Variants in ABCA8 observed in about 807,000 individuals in gnomAD.
ABCA8 encodes the protein ABC-type organic anion transporter ABCA8.
In ABCA8, 177 loss-of-function variants were observed where a neutral mutation model predicts 192.3. The ratio of observed to expected loss-of-function variants is 0.92; its 90% CI spans 0.81 to 1.04. ABCA8 has a LOEUF of 1.04. Among genes scored for constraint, ABCA8 ranks in the 50% least tolerant of loss-of-function variants. The pLI is 0.00. For missense variants in ABCA8, 1,915 were observed against 1,904.8 expected (o/e 1.01, Z -0.10); for synonymous variants, 642 against 690.2 (o/e 0.93, Z 1.09).
At chr17:68,881,332 C>G in intron 31 of ABCA8, 121 bp from the exon 32 acceptor site, 2 of 710,054 alleles carry the variant, frequency 2.8e-6, no homozygotes, top group Non-Finnish European at 4.7e-6. Flanking sequence ...TTGTCACAAC[C>G]ACCCTGAGAA....
intron 5 of ABCA8, 126 bp from the exon 6 acceptor site, chr17:68,933,397 T>C (rs1364051886): frequency 3.6e-5 from 22 of 608,688 alleles, no homozygotes; most frequent in Non-Finnish European, 6.0e-5. Flanking sequence ...GTTCTTATTT[T>C]GACTCAAAGC....
At chr17:68,902,204 T>A (rs932819637) in intron 21 of ABCA8, among the ~76,000 whole-genome samples, 1 of 152,218 alleles carries the variant, frequency 6.6e-6, no homozygotes, top group African/African-American at 2.4e-5. Context: ...TACCACATGT[T>A]GTATGAGTCC....
intron 37 of ABCA8, among the ~76,000 whole-genome samples, chr17:68,872,178 A>T (rs1410402897): frequency 1.7e-4 from 26 of 151,846 alleles, no homozygotes; most frequent in Non-Finnish European, 1.5e-5. Flanking sequence ...CTTGGAACCA[A>T]CCCAAATGTC....
intron 2 of ABCA8, among the ~76,000 whole-genome samples, chr17:68,946,309 G>T (rs2068406383): frequency 6.6e-6 from 1 of 152,010 alleles, no homozygotes; most frequent in Non-Finnish European, 1.5e-5. Flanking sequence ...CTCATGATCT[G>T]CCCACGTTGG....
chr17:68,892,912 A>G (rs894909823), intron 23 of ABCA8, among the ~76,000 whole-genome samples: 4 of 152,176 alleles, frequency 2.6e-5, no homozygotes, highest in Non-Finnish European at 5.9e-5. Context: ...TGGGAGGCCA[A>G]CATCGGAAGA....
At chr17:68,906,409 T>G (rs1344107559) in intron 18 of ABCA8, among the ~76,000 whole-genome samples, 1 of 152,188 alleles carries the variant, frequency 6.6e-6, no homozygotes, top group African/African-American at 2.4e-5. Context: ...TTTGCATTTC[T>G]ATTAAAGTTT....
chr17:68,928,090 G>A lies in ABCA8; in HGVS notation c.1126-27C>T, dbSNP rs2067752529. On this transcript the variant is annotated intron_variant, in intron 9 of 39. Coordinates refer to ENST00000586539, the MANE Select transcript of ABCA8 (RefSeq NM_001288985.2). Reference sequence around the variant, plus strand: ...TGAAAATTAAAAAGTAATTAATTAAGGGAAATTAGGTATAAGATACATTTT... The same window carrying A: ...TGAAAATTAAAAAGTAATTAATTAAAGGAAATTAGGTATAAGATACATTTT... 3 of 1,526,322 alleles carry A rather than the reference G, an allele frequency of 2.0e-6. No individual in the cohort carries two copies. In the East Asian group the frequency reaches 6.8e-5, roughly 35 times the overall value. The allele number at this position is 1,526,322 out of a possible 1,614,324, so 94.5% of individuals were successfully genotyped here.
intron 24 of ABCA8, among the ~76,000 whole-genome samples, chr17:68,890,059 G>A (rs1161526401): frequency 6.6e-6 from 1 of 152,112 alleles, no homozygotes; most frequent in African/African-American, 2.4e-5. Context: ...CTTCTTTTGA[G>A]TAAATACTTA....
At chr17:68,890,545 G>A (rs1032581035) in intron 24 of ABCA8, among the ~76,000 whole-genome samples, 2 of 152,026 alleles carry the variant, frequency 1.3e-5, no homozygotes, top group Admixed American at 1.3e-4. Flanking sequence ...TTGAGATGGA[G>A]TCTCGGTCTG....
chr17:68,929,667 A>G lies in ABCA8; in HGVS notation c.833T>C (p.Phe278Ser), dbSNP rs1366698291. Residue 278 changes from phenylalanine (F) to serine (S), a missense_variant, in exon 8 of 40, where the codon TTC (phenylalanine) becomes TCC (serine). Phe to Ser is a radical substitution (Grantham distance 155). Coordinates refer to ENST00000586539, the MANE Select transcript of ABCA8 (RefSeq NM_001288985.2). ...SWGLLYAGFI[F>S]IMALFLALVI... Reference sequence around the variant, plus strand: ...AAGTGCCAAGAAAAGGGCCATAATGAAGATGAAACCAGCATAGAGCAAACC... The same window carrying G: ...AAGTGCCAAGAAAAGGGCCATAATGGAGATGAAACCAGCATAGAGCAAACC... 5 of 1,613,844 alleles carry G rather than the reference A, an allele frequency of 3.1e-6. No individual in the cohort carries two copies. The Admixed American group carries it at 8.3e-5, about 27-fold the overall frequency.
intron 21 of ABCA8, 64 bp from the exon 22 acceptor site, chr17:68,895,077 T>C: frequency 7.0e-7 from 1 of 1,425,122 alleles, no homozygotes; most frequent in Non-Finnish European, 9.4e-7. Flanking sequence ...AGTTGTGTAG[T>C]CAAATTACAG....
chr17:68,874,699 A>T (rs2066154814), intron 37 of ABCA8, among the ~76,000 whole-genome samples: 1 of 152,108 alleles, frequency 6.6e-6, no homozygotes, highest in South Asian at 2.1e-4. Context: ...TAAATTATCT[A>T]TCATCTGCTA....
chr17:68,908,500 G>A (rs1029273071), intron 17 of ABCA8, among the ~76,000 whole-genome samples: 1 of 152,166 alleles, frequency 6.6e-6, no homozygotes, highest in African/African-American at 2.4e-5. Context: ...AAGAAAACAT[G>A]TAGACAACCA....
chr17:68,908,218 A>C (rs932296173), intron 17 of ABCA8, among the ~76,000 whole-genome samples: 1 of 152,186 alleles, frequency 6.6e-6, no homozygotes, highest in Non-Finnish European at 1.5e-5. Flanking sequence ...GCAGTACAGC[A>C]AAGGTCAGGA....
intron 5 of ABCA8, among the ~76,000 whole-genome samples, chr17:68,935,045 A>T (rs1312744600): frequency 1.4e-5 from 2 of 146,000 alleles, no homozygotes; most frequent in African/African-American, 5.0e-5. Flanking sequence ...TCTGGAATTA[A>T]TTTTTTGTTA....
chr17:68,940,724 C>T (rs1277872056), intron 4 of ABCA8, 34 bp downstream of exon 4: 1 of 1,560,188 alleles, frequency 6.4e-7, no homozygotes, highest in South Asian at 1.1e-5. Flanking sequence ...AATATTCACA[C>T]CAGACATTCT....
At chr17:68,887,311 CACTT>C (rs765376278) in intron 25 of ABCA8, 21 bp downstream of exon 25, 26 of 1,557,598 alleles carry the variant, frequency 1.7e-5, no homozygotes, top group Non-Finnish European at 2.1e-5. Context: ...TGAATATTGT[CACTT>C]ACTTGGATAT....
Position 68,891,514 on chromosome 17 carries a change from G to A in ABCA8, c.3119C>T (p.Ala1040Val), listed in dbSNP as rs149786642. ...VLTSSCPPYI[A>V]MSSIDDYKNR... Reference sequence around the variant, plus strand: ...CTTATAATCATCGATGCTGCTCATGGCAATGTAAGGTGGGCAACTCGATGT... The same window carrying A: ...CTTATAATCATCGATGCTGCTCATGACAATGTAAGGTGGGCAACTCGATGT... Residue 1040 changes from alanine to valine, a missense_variant, in exon 24 of 40, where the codon GCC becomes GTC. Coordinates refer to ENST00000586539, the MANE Select transcript of ABCA8 (RefSeq NM_001288985.2). The A allele has an allele frequency of 1.9e-6, 3 of 1,612,366 alleles. No individual in the cohort carries two copies. The highest frequency in any genetic ancestry group is 1.1e-5 in the South Asian group (1 of 91,044).
chr17:68,925,261 TA>T (rs1463187697), intron 10 of ABCA8, among the ~76,000 whole-genome samples: 1 of 152,052 alleles, frequency 6.6e-6, no homozygotes, highest in South Asian at 2.1e-4. Flanking sequence ...TGGATACCTT[TA>T]AAAAAAATCC....
Sources: allele counts gnomAD v4.1 joint callset (sites outside exome capture counted in the v4.1 genomes callset), GRCh38; gene constraint gnomAD v4.1.1; transcripts MANE v1.5; gene names NCBI Gene and HGNC (gene_info 2026-07-23, HGNC 2026-07-21).